REPS1: variants seen among roughly 807,000 people sequenced by gnomAD.
The protein encoded by REPS1 is ralBP1-associated Eps domain-containing protein 1.
Under a neutral mutation model 100.9 loss-of-function variants are expected in REPS1, and 39 were observed. The observed-to-expected ratio is 0.39, with a 90% CI of 0.30 to 0.50. REPS1 has a LOEUF of 0.50. Ranked by LOEUF, REPS1 falls within the 20% of genes least tolerant of loss-of-function variation. The pLI is 0.86. For missense variants in REPS1, 821 were observed against 968.5 expected (o/e 0.85, Z 2.02); for synonymous variants, 324 against 340.3 (o/e 0.95, Z 0.53).
In REPS1 at chr6:138,915,911, G is replaced by C; in HGVS notation, c.1667C>G (p.Ser556Cys). The C allele has an allele frequency of 3.1e-6, 5 of 1,614,102 alleles. No individual in the cohort carries two copies. The highest frequency in any genetic ancestry group is 2.2e-5 in the East Asian group (1 of 44,892). ...ATCTAAAGATGATGATCTAGAATGA[G>C]AGGGCTGTGGCCTTGGAGGGGGAGG... ...PPPPPPRPQP[S>C]HSRSSSLDMN... is the part of the protein sequence containing the mutation. Residue 556 changes from serine (S) to cysteine (C), a missense_variant, in exon 14 of 20, where the codon TCT (serine) becomes TGT (cysteine). Ser to Cys is a moderately radical substitution (Grantham distance 112, BLOSUM62 -1). Around this residue, in one of 3 missense-constraint regions of REPS1, gnomAD observed 757 missense variants for 866.4 expected, o/e 0.87. Coordinates refer to ENST00000450536, the MANE Select transcript of REPS1 (RefSeq NM_001286611.2).
chr6:138,948,019 AGAT>A, intron 1 of REPS1, 106 bp from the exon 2 acceptor site: 1 of 1,020,314 alleles, frequency 9.8e-7, no homozygotes, highest in Non-Finnish European at 1.4e-6. Flanking sequence ...TCTATCTAAT[AGAT>A]GGTATAATAC....
intron 13 of REPS1, chr6:138,916,360 A>T (rs1780395350): frequency 4.7e-6 from 1 of 214,658 alleles, no homozygotes; most frequent in Non-Finnish European, 9.1e-6. Flanking sequence ...AACTGGGATT[A>T]CAGGCGCATG....
intron 10 of REPS1, 127 bp downstream of exon 10, chr6:138,926,274 A>G (rs1382716667): frequency 4.8e-6 from 3 of 626,536 alleles, no homozygotes; most frequent in East Asian, 3.0e-5. Flanking sequence ...CACAAAAACC[A>G]AAAAGCCTGC....
Position 138,904,253 on chromosome 6 carries a change from C to T in REPS1, c.*811G>A, listed in dbSNP as rs902554599. ...TAATAGGAAAAACTTGTCTGTATAG[C>T]AAAAGAATGAGTGACAAGATGGCTA... On this transcript the variant is annotated 3_prime_UTR_variant, in exon 20 of 20. Coordinates refer to ENST00000450536, the MANE Select transcript of REPS1 (RefSeq NM_001286611.2). 1 of 152,096 alleles carries T rather than the reference C, an allele frequency of 6.6e-6. No homozygotes were observed. The highest frequency in any genetic ancestry group is 2.1e-4 in the South Asian group (1 of 4,832). 9.4% of individuals were successfully genotyped at this position (152,096 alleles called of 1,614,324 possible). A position where few individuals can be genotyped will look rare whatever the true frequency, so the allele number is the denominator to read the frequency against.
rs1785375942 is a variant in REPS1 at position 138,987,932 on chromosome 6, A to G, written c.-250T>C. 2.7e-6 allele frequency: 1 copy of G among 373,240 alleles called. No homozygotes were observed. The highest frequency in any genetic ancestry group is 4.7e-6 in the Non-Finnish European group (1 of 212,992). The allele number at this position is 373,240 out of a possible 1,614,324, so 23.1% of individuals were successfully genotyped here. A position where few individuals can be genotyped will look rare whatever the true frequency, so the allele number is the denominator to read the frequency against. ...CGCGGCTGCGGCTGCGGCTGCGACTACGGCTCCGGCTCCGGCTCCGGCTCC... is the reference window on the plus strand; with the variant it reads ...CGCGGCTGCGGCTGCGGCTGCGACTGCGGCTCCGGCTCCGGCTCCGGCTCC... On this transcript the variant is annotated 5_prime_UTR_variant, in exon 1 of 20. Coordinates refer to ENST00000450536, the MANE Select transcript of REPS1 (RefSeq NM_001286611.2).
chr6:138,938,320 T>C (rs1781995367), intron 8 of REPS1, among the ~76,000 whole-genome samples: 2 of 152,232 alleles, frequency 1.3e-5, no homozygotes, highest in South Asian at 4.1e-4. Context: ...CCTAGCATGT[T>C]ACTCCAAGGA....
intron 1 of REPS1, among the ~76,000 whole-genome samples, chr6:138,969,733 C>G (rs1456089014): frequency 6.6e-6 from 1 of 152,020 alleles, no homozygotes; most frequent in Non-Finnish European, 1.5e-5. Context: ...TGAAATAATA[C>G]ATATCTCTAA....
At chr6:138,913,372 A>G (rs1780143039) in intron 15 of REPS1, among the ~76,000 whole-genome samples, 1 of 152,112 alleles carries the variant, frequency 6.6e-6, no homozygotes, top group African/African-American at 2.4e-5. Flanking sequence ...AAAGTGTGAA[A>G]ACCACTGCTC....
chr6:138,984,636 G>C (rs1785153445), intron 1 of REPS1, among the ~76,000 whole-genome samples: 2 of 152,070 alleles, frequency 1.3e-5, no homozygotes, highest in African/African-American at 4.8e-5. Flanking sequence ...TCCCATGTTT[G>C]AGTACCACTG....
At chr6:138,956,220 A>C (rs1469614474) in intron 1 of REPS1, among the ~76,000 whole-genome samples, 2 of 152,110 alleles carry the variant, frequency 1.3e-5, no homozygotes, top group Non-Finnish European at 2.9e-5. Flanking sequence ...ACAATAATAA[A>C]GAGGAAGTTA....
chr6:138,971,537 T>A (rs2128502330), intron 1 of REPS1, among the ~76,000 whole-genome samples: 1 of 152,292 alleles, frequency 6.6e-6, no homozygotes, highest in South Asian at 2.1e-4. Flanking sequence ...TTTCTTTAGT[T>A]GCCAATAAAT....
intron 1 of REPS1, among the ~76,000 whole-genome samples, chr6:138,986,804 C>T (rs1270411830): frequency 3.3e-5 from 5 of 152,176 alleles, no homozygotes; most frequent in Non-Finnish European, 7.3e-5. Flanking sequence ...AGGCTTTAAA[C>T]CTACAGGGTT....
intron 1 of REPS1, among the ~76,000 whole-genome samples, chr6:138,961,080 T>C (rs1468246204): frequency 6.6e-6 from 1 of 152,162 alleles, no homozygotes; most frequent in Non-Finnish European, 1.5e-5. Context: ...ATGATGTTCA[T>C]GAAAAAAGTA....
Position 138,920,295 on chromosome 6 carries a change from G to A in REPS1, c.1448C>T (p.Pro483Leu). The change falls in exon 12 of 20, where the codon CCA (proline) becomes CTA (leucine). Residue 483 changes from proline (P) to leucine (L), a missense_variant. Coordinates refer to ENST00000450536, the MANE Select transcript of REPS1 (RefSeq NM_001286611.2). ...TGSDHTNPTS[P>L]LLVKPSDLLE... ...AAGGTCAGATGGTTTCACAAGTAAT[G>A]GGCTAGTGGGATTTGTATGATCTAA... 2 of 1,590,112 alleles carry A rather than the reference G, an allele frequency of 1.3e-6. No individual in the cohort carries two copies. Among genetic ancestry groups the A allele is most frequent in the Non-Finnish European group, 1.7e-6 (2 of 1,158,392 alleles).
At chr6:138,959,294 C>G (rs1200171865) in intron 1 of REPS1, among the ~76,000 whole-genome samples, 1 of 152,092 alleles carries the variant, frequency 6.6e-6, no homozygotes, top group East Asian at 1.9e-4. Flanking sequence ...ACTTCTTATT[C>G]CTGGTGAGAA....
chr6:138,922,473 A>G, intron 10 of REPS1, among the ~76,000 whole-genome samples: 1 of 152,220 alleles, frequency 6.6e-6, no homozygotes, highest in East Asian at 1.9e-4. Context: ...AATTGATAAT[A>G]AAGACTTCTG....
intron 1 of REPS1, among the ~76,000 whole-genome samples, chr6:138,955,503 G>T (rs1298439216): frequency 2.6e-5 from 3 of 114,378 alleles, no homozygotes; most frequent in African/African-American, 1.1e-4. Context: ...TAACAGTCAA[G>T]TACTAAAAAC....
At chr6:138,962,624 G>GT (rs1160179695) in intron 1 of REPS1, among the ~76,000 whole-genome samples, 2 of 152,014 alleles carry the variant, frequency 1.3e-5, no homozygotes, top group East Asian at 3.8e-4. Context: ...TCTTTCTTCA[G>GT]TAAGTCAAGA....
intron 7 of REPS1, among the ~76,000 whole-genome samples, chr6:138,942,622 A>C (rs1053131834): frequency 2.0e-5 from 3 of 151,822 alleles, no homozygotes; most frequent in Non-Finnish European, 4.4e-5. Context: ...TTTTCTTTTT[A>C]ATAGAGATGG....
Sources: gnomAD v4.1 joint callset for allele counts (sites outside exome capture counted in the v4.1 genomes callset) on GRCh38, gnomAD v4.1.1 for gene constraint, gnomAD v4.1.1 regional missense constraint, MANE v1.5 for transcripts, NCBI Gene and HGNC (gene_info 2026-07-23, HGNC 2026-07-21) for gene names.